The following E2F3 variants were observed in gnomAD, a reference collection of about 807,000 sequenced individuals.
E2F3 encodes the protein transcription factor E2F3.
Under a neutral mutation model 44.4 loss-of-function variants are expected in E2F3, and 11 were observed. The ratio of observed to expected loss-of-function variants is 0.25; its 90% CI spans 0.16 to 0.41. E2F3 has a LOEUF of 0.41. E2F3 is among the 10% of genes least tolerant of loss of function. The pLI is 1.00. For missense variants in E2F3, 487 were observed against 583.6 expected, an observed-to-expected ratio of 0.83 and a Z score of 1.70; for synonymous variants, 249 against 253.0, an observed-to-expected ratio of 0.98 and a Z score of 0.15.
chr6:20,488,600 G>A (rs1015416980), intron 6 of E2F3, among the ~76,000 whole-genome samples: 16 of 152,184 alleles, frequency 1.1e-4, no homozygotes, highest in Non-Finnish European at 2.2e-4. Context: ...TCATCAGAGA[G>A]GGAAATGAAA....
At chr6:20,440,169 TG>T (rs1760727351) in intron 1 of E2F3, 2 of 152,272 alleles carry the variant, frequency 1.3e-5, no homozygotes, top group African/African-American at 2.4e-5. Context: ...TAACATATTT[TG>T]AACTCTTATT....
At chr6:20,444,099 T>G (rs1368415695) in intron 1 of E2F3, among the ~76,000 whole-genome samples, 1 of 152,078 alleles carries the variant, frequency 6.6e-6, no homozygotes, top group Non-Finnish European at 1.5e-5. Flanking sequence ...CCCAGCTACT[T>G]GGAAGGCTGA....
chr6:20,455,896 G>A (rs145792127), intron 1 of E2F3, among the ~76,000 whole-genome samples: 1 of 152,252 alleles, frequency 6.6e-6, no homozygotes, highest in Non-Finnish European at 1.5e-5. Flanking sequence ...GAGGTTTGCC[G>A]TGGCCACACC....
intron 1 of E2F3, among the ~76,000 whole-genome samples, chr6:20,408,881 C>T (rs1279620993): frequency 6.6e-6 from 1 of 152,168 alleles, no homozygotes; most frequent in Non-Finnish European, 1.5e-5. Flanking sequence ...TCCCTGAGAA[C>T]GATATTCTAG....
rs1438924089 is a variant in E2F3 at position 20,493,559 on chromosome 6, A to T, written c.*3129A>T. ...AAAAAGAAAATATGTAATATAATGTAAAAAAAAACAAAAAAAAGCTTTTAT... is the reference window on the plus strand; with the variant it reads ...AAAAAGAAAATATGTAATATAATGTTAAAAAAAACAAAAAAAAGCTTTTAT... On this transcript the variant is annotated 3_prime_UTR_variant, in exon 7 of 7. Transcript: ENST00000346618. The T allele has an allele frequency of 1.0e-5, 2 of 199,072 alleles. No individual in the cohort carries two copies. Among genetic ancestry groups the T allele is most frequent in the African/African-American group, 2.4e-5 (1 of 40,818 alleles). 12.3% of individuals were successfully genotyped at this position (199,072 alleles called of 1,614,324 possible). A position where few individuals can be genotyped will look rare whatever the true frequency, so the allele number is the denominator to read the frequency against.
chr6:20,437,908 G>C (rs1220612895), intron 1 of E2F3: 1 of 152,228 alleles, frequency 6.6e-6, no homozygotes, highest in African/African-American at 2.4e-5. Context: ...TAAAGTCTGT[G>C]CTCTCCAGCG....
At chr6:20,483,299 G>A (rs80148634) in intron 4 of E2F3, among the ~76,000 whole-genome samples, 57 of 152,278 alleles carry the variant, frequency 3.7e-4, no homozygotes, top group Non-Finnish European at 7.9e-4. Flanking sequence ...AAGCAGATTC[G>A]TCTTTGGCTT....
rs1759342742 is a variant in E2F3, at chr6:20,402,593, CGCGGCG to C, written c.364_369del (p.Gly122_Gly123del). On this transcript the variant is annotated inframe_deletion, in exon 1 of 7. Coordinates refer to ENST00000346618, the MANE Select transcript of E2F3 (RefSeq NM_001949.5). This position sits in a 1 kb window ranked among gnomAD's most constrained non-coding sequence, Gnocchi z 5.6. ...GCTGCAGCAGCCACCAGCGCTGGGA[CGCGGCG>C]GCAGCGGCGGCGGCGGCGGCCCTCC... 1 of 1,381,396 alleles carries C rather than the reference CGCGGCG, an allele frequency of 7.2e-7. No homozygotes were observed. The highest frequency in any genetic ancestry group is 1.5e-5 in the African/African-American group (1 of 65,914). 85.6% of individuals were successfully genotyped at this position (1,381,396 alleles called of 1,614,324 possible). A position where few individuals can be genotyped will look rare whatever the true frequency, so the allele number is the denominator to read the frequency against.
rs988604892 is a variant in E2F3, at chr6:20,434,648, A to C, written c.393+32023A>C. Among the ~76,000 whole-genome samples, 4 of 152,132 alleles carry C rather than the reference A, an allele frequency of 2.6e-5. No homozygotes were observed. The East Asian group carries it at 7.7e-4, about 29-fold the overall frequency. ...ACACAGGTTTCTCTTCAGGTGCCTT[A>C]TTAAGTTTAACTGTTGTATAGTACA... On this transcript the variant is annotated intron_variant, in intron 1 of 6. Coordinates refer to ENST00000346618, the MANE Select transcript of E2F3 (RefSeq NM_001949.5).
At chr6:20,446,818 C>T (rs1415966768) in intron 1 of E2F3, among the ~76,000 whole-genome samples, 2 of 152,156 alleles carry the variant, frequency 1.3e-5, no homozygotes, top group African/African-American at 4.8e-5. Context: ...CTGCCTGCAT[C>T]GGCCTCTCAA....
chr6:20,476,416 A>G (rs942102433), intron 1 of E2F3, among the ~76,000 whole-genome samples: 2 of 151,972 alleles, frequency 1.3e-5, no homozygotes, highest in African/African-American at 2.4e-5. Context: ...TTTATTGGCT[A>G]ATGTAACTGG....
chr6:20,419,229 T>C (rs185370537), intron 1 of E2F3, among the ~76,000 whole-genome samples: 1 of 152,334 alleles, frequency 6.6e-6, no homozygotes, highest in East Asian at 1.9e-4. Flanking sequence ...GTCATTTCTG[T>C]CATTTTTCAT....
intron 1 of E2F3, chr6:20,421,476 T>G (rs1760025337): frequency 1.3e-5 from 2 of 152,228 alleles, no homozygotes; most frequent in Admixed American, 6.5e-5. Context: ...ATGAAAACAT[T>G]AATCTCCTTG....
intron 1 of E2F3, 21 bp from the exon 2 acceptor site, chr6:20,479,825 G>T (rs532447923): frequency 6.3e-6 from 10 of 1,596,756 alleles, no homozygotes; most frequent in Non-Finnish European, 8.5e-6. Flanking sequence ...GGTGACGAGA[G>T]ATCGCACTTT....
At chr6:20,446,701 G>A (rs898108382) in intron 1 of E2F3, among the ~76,000 whole-genome samples, 4 of 152,110 alleles carry the variant, frequency 2.6e-5, no homozygotes, top group African/African-American at 9.7e-5. Flanking sequence ...GAGTAGCTGG[G>A]ACTACTACAG....
intron 1 of E2F3, among the ~76,000 whole-genome samples, chr6:20,456,879 T>C (rs1016889628): frequency 2.0e-5 from 3 of 152,352 alleles, no homozygotes; most frequent in African/African-American, 4.8e-5. Flanking sequence ...AATCCCTAGA[T>C]GAATTCTCAG....
At chr6:20,449,373 T>A (rs1761052073) in intron 1 of E2F3, among the ~76,000 whole-genome samples, 1 of 152,228 alleles carries the variant, frequency 6.6e-6, no homozygotes, top group African/African-American at 2.4e-5. Context: ...ACTTTTATTT[T>A]CCTTCTTAGA....
chr6:20,420,823 A>G (rs892607618), intron 1 of E2F3, among the ~76,000 whole-genome samples: 1 of 152,194 alleles, frequency 6.6e-6, no homozygotes, highest in African/African-American at 2.4e-5. Flanking sequence ...GAAAAAATCA[A>G]GTTTTCCACA....
chr6:20,451,623 T>A (rs1581616773), intron 1 of E2F3, among the ~76,000 whole-genome samples: 1 of 152,208 alleles, frequency 6.6e-6, no homozygotes, highest in Non-Finnish European at 1.5e-5. Context: ...AGAGAGGGCA[T>A]CCTTGTCTTT....
Sources: gnomAD v4.1 joint callset for allele counts (sites outside exome capture counted in the v4.1 genomes callset) on GRCh38, gnomAD v4.1.1 for gene constraint, Gnocchi (gnomAD v3.1) non-coding constraint, MANE v1.5 for transcripts, NCBI Gene and HGNC (gene_info 2026-07-23, HGNC 2026-07-21) for gene names.